TPO: variants seen among roughly 807,000 people sequenced by gnomAD.
TPO encodes the protein thyroid microsomal antigen.
Under a neutral mutation model 96.9 loss-of-function variants are expected in TPO, and 78 were observed. The observed-to-expected ratio is 0.81, with a 90% confidence interval of 0.67 to 0.97. The LOEUF (loss-of-function observed/expected upper bound fraction) is 0.97, where lower values mean the gene tolerates loss of function less well. TPO is among the 50% of genes least tolerant of loss of function. The probability of loss-of-function intolerance (pLI) is 0.00; values close to 1 mark genes in which losing one functional copy is unlikely to be tolerated. For missense variants in TPO, 1,252 were observed against 1,274.8 expected (o/e 0.98, Z 0.27); for synonymous variants, 547 against 538.0 (o/e 1.02, Z -0.23).
At chr2:1,448,210 G>T (rs1375708017) in intron 5 of TPO, among the ~76,000 whole-genome samples, 1 of 152,218 alleles carries the variant, frequency 6.6e-6, no homozygotes, top group Non-Finnish European at 1.5e-5. Flanking sequence ...CCCACTCCCA[G>T]ACAAGGACAC....
intron 5 of TPO, among the ~76,000 whole-genome samples, chr2:1,450,941 C>G (rs1382586979): frequency 6.6e-6 from 1 of 152,112 alleles, no homozygotes; most frequent in East Asian, 1.9e-4. Context: ...CATTACTCTC[C>G]CATACATTTT....
intron 8 of TPO, chr2:1,478,164 G>C: frequency 1.0e-6 from 1 of 977,864 alleles, no homozygotes; most frequent in Non-Finnish European, 1.2e-6. Context: ...TTCATTTTAT[G>C]ACTTTCTTAA....
At chr2:1,516,488 C>A (rs1304495742) in intron 14 of TPO, among the ~76,000 whole-genome samples, 1 of 152,200 alleles carries the variant, frequency 6.6e-6, no homozygotes, top group Non-Finnish European at 1.5e-5. Context: ...GCCCACCTTG[C>A]GAACCTTTCC....
intron 1 of TPO, among the ~76,000 whole-genome samples, chr2:1,391,429 C>T (rs1324284040): frequency 6.6e-6 from 1 of 152,068 alleles, no homozygotes; most frequent in African/African-American, 2.4e-5. Flanking sequence ...CTCATAGTAT[C>T]GTTTGAAGTC....
At chr2:1,532,001 C>T (rs1678376781) in intron 15 of TPO, among the ~76,000 whole-genome samples, 1 of 98,392 alleles carries the variant, frequency 1.0e-5, no homozygotes, top group Non-Finnish European at 2.2e-5. Context: ...CCCAAAATCT[C>T]CCCTATTGTG....
upstream of TPO, among the ~76,000 whole-genome samples, chr2:1,411,675 G>A (rs989821476): frequency 1.3e-5 from 2 of 152,148 alleles, no homozygotes; most frequent in Non-Finnish European, 2.9e-5. Flanking sequence ...GGACAGGCCT[G>A]GTTGTGCCTG....
At chr2:1,489,934 G>A (rs1017836979) in intron 10 of TPO, among the ~76,000 whole-genome samples, 8 of 115,446 alleles carry the variant, frequency 6.9e-5, no homozygotes, top group African/African-American at 2.5e-4. Context: ...GCACACAGGA[G>A]GAGTCACGAC....
chr2:1,526,421 T>A (rs1333468755), intron 15 of TPO, among the ~76,000 whole-genome samples: 2 of 78,366 alleles, frequency 2.6e-5, no homozygotes, highest in Admixed American at 2.0e-4. Flanking sequence ...CAACATGCTG[T>A]GTGAAACCTC....
intron 1 of TPO, among the ~76,000 whole-genome samples, chr2:1,382,205 A>C (rs1222373681): frequency 6.6e-6 from 1 of 152,200 alleles, no homozygotes; most frequent in Non-Finnish European, 1.5e-5. Context: ...CAGGAGTGGC[A>C]CTACCTTTCA....
intron 5 of TPO, among the ~76,000 whole-genome samples, chr2:1,448,244 G>A (rs1666996022): frequency 1.3e-5 from 2 of 152,286 alleles, no homozygotes; most frequent in South Asian, 4.1e-4. Flanking sequence ...CCGGCCTCGC[G>A]TGGGAGCCGA....
intron 3 of TPO, among the ~76,000 whole-genome samples, chr2:1,425,853 A>G (rs1372718882): frequency 6.6e-6 from 1 of 151,436 alleles, no homozygotes; most frequent in Non-Finnish European, 1.5e-5. Context: ...GGATACAGAG[A>G]TGAGTTCGAT....
At chr2:1,488,737 A>G (rs1272711312) in intron 10 of TPO, among the ~76,000 whole-genome samples, 1 of 152,162 alleles carries the variant, frequency 6.6e-6, no homozygotes. Context: ...TGTGGGTGAC[A>G]TGTGAGATGG....
rs1468819683 is a variant in TPO, at chr2:1,494,045, T to C, written c.2006+6T>C. The C allele has an allele frequency of 6.2e-7, 1 of 1,613,442 alleles. No homozygotes were observed. The highest frequency in any genetic ancestry group is 8.5e-7 in the Non-Finnish European group (1 of 1,179,590). On this transcript the variant is annotated splice_donor_region_variant and intron_variant, in intron 11 of 16. Coordinates refer to ENST00000329066, the MANE Select transcript of TPO (RefSeq NM_001206744.2). ...GCTCTGCGGGACGGTGACTGGTACG[T>C]TCCTATCCAGAGCGTCTTCCTTCAC... is the stretch of plus-strand genomic sequence containing the variant.
chr2:1,515,806 C>G (rs963108384), intron 14 of TPO, among the ~76,000 whole-genome samples: 1 of 152,146 alleles, frequency 6.6e-6, no homozygotes, highest in East Asian at 1.9e-4. Context: ...CAGCCGCTGC[C>G]TCTGTCTGGT....
At chr2:1,390,342 T>G (rs941059940) in intron 1 of TPO, among the ~76,000 whole-genome samples, 4 of 152,234 alleles carry the variant, frequency 2.6e-5, no homozygotes, top group Non-Finnish European at 5.9e-5. Context: ...GCAAAGGACA[T>G]GAACTCATCC....
rs536333561 is a variant in TPO, at chr2:1,432,764, G to A, written c.180-674G>A. Among the ~76,000 whole-genome samples the A allele has an allele frequency of 2.7e-4, 31 of 113,940 alleles. No homozygotes were observed. In the East Asian group the frequency reaches 8.1e-3, roughly 30 times the overall value. 74.7% of individuals were successfully genotyped at this position (113,940 alleles called of 152,430 possible). ...AGGGGAGGCCTGCAGGTGAGGAGAG[G>A]CCTGCAGGTGAGGGGAGGCATGCAG... On this transcript the variant is annotated intron_variant, in intron 3 of 16. Coordinates refer to ENST00000329066, the MANE Select transcript of TPO (RefSeq NM_001206744.2).
chr2:1,532,437 C>A (rs1242933515), intron 15 of TPO, among the ~76,000 whole-genome samples: 4 of 129,128 alleles, frequency 3.1e-5, no homozygotes, highest in East Asian at 2.4e-4. Flanking sequence ...CTGTGAGTAA[C>A]CTCCTGCAAT....
At chr2:1,483,483 A>G (rs1670831718) in intron 8 of TPO, among the ~76,000 whole-genome samples, 1 of 152,240 alleles carries the variant, frequency 6.6e-6, no homozygotes, top group African/African-American at 2.4e-5. Flanking sequence ...TGAGTTCTGA[A>G]TGTGGGAAGC....
intron 8 of TPO, among the ~76,000 whole-genome samples, chr2:1,483,243 G>A (rs919593516): frequency 6.6e-6 from 1 of 152,210 alleles, no homozygotes; most frequent in Non-Finnish European, 1.5e-5. Context: ...CACAGGTGGA[G>A]CTGCTGAACC....
Sources: gnomAD v4.1 joint callset for allele counts (sites outside exome capture counted in the v4.1 genomes callset) on GRCh38, gnomAD v4.1.1 for gene constraint, MANE v1.5 for transcripts, NCBI Gene and HGNC (gene_info 2026-07-23, HGNC 2026-07-21) for gene names.